Variants in FMN2 observed in about 807,000 individuals in gnomAD.
FMN2 encodes the protein formin 2.
A neutral mutation model predicts 142.3 loss-of-function variants in FMN2; 51 were observed. The ratio of observed to expected loss-of-function variants is 0.36; its 90% CI spans 0.29 to 0.45. The LOEUF is 0.45. Ranked by LOEUF, FMN2 falls within the 20% of genes least tolerant of loss-of-function variation. The probability of loss-of-function intolerance (pLI) is 1.00; values close to 1 mark genes in which losing one functional copy is unlikely to be tolerated. For synonymous variants in FMN2, 882 were observed against 869.8 expected (o/e 1.01, Z -0.25); for missense variants, 1,936 against 2,122.8 (o/e 0.91, Z 1.73).
chr1:240,174,782 T>G lies in FMN2; in HGVS notation c.1783-3139T>G, dbSNP rs147228000. 7.0e-3 allele frequency among the ~76,000 whole-genome samples: 1,071 copies of G among 152,330 alleles called. 8 individuals are homozygous for G. Among genetic ancestry groups the G allele is most frequent in the African/African-American group, 0.025 (1,020 of 41,564 alleles). ...TGCATCTTAGCTATCCCCAACAGCC[T>G]TGCATTTACTGTTTTTAAAAAAATT... is the stretch of plus-strand genomic sequence containing the variant. On this transcript the variant is annotated intron_variant, in intron 2 of 17. Coordinates refer to ENST00000319653, the MANE Select transcript of FMN2 (RefSeq NM_020066.5).
intron 6 of FMN2, among the ~76,000 whole-genome samples, chr1:240,229,703 G>GTTTAAAAGCAAA (rs1399186927): frequency 2.7e-5 from 2 of 74,452 alleles, no homozygotes; most frequent in Non-Finnish European, 2.6e-5. Flanking sequence ...TGGAGTGCCA[G>GTTTAAAAGCAAA]TGGCATGATC....
intron 15 of FMN2, among the ~76,000 whole-genome samples, chr1:240,402,280 A>T (rs1394147965): frequency 1.3e-5 from 2 of 152,222 alleles, no homozygotes; most frequent in Non-Finnish European, 2.9e-5. Context: ...ATCATTTTTC[A>T]TATTCCATTT....
intron 15 of FMN2, among the ~76,000 whole-genome samples, chr1:240,437,674 G>A (rs1675445618): frequency 1.3e-5 from 2 of 152,064 alleles, no homozygotes; most frequent in South Asian, 4.1e-4. Context: ...TATAGATATG[G>A]ACTACATACT....
chr1:240,264,503 C>T (rs1252826882), intron 7 of FMN2, among the ~76,000 whole-genome samples: 2 of 152,062 alleles, frequency 1.3e-5, no homozygotes, highest in African/African-American at 4.8e-5. Flanking sequence ...TCTACATTAG[C>T]TGTTTCTCCT....
intron 2 of FMN2, chr1:240,142,684 G>A: frequency 6.2e-7 from 1 of 1,610,648 alleles, no homozygotes; most frequent in African/African-American, 1.3e-5. Flanking sequence ...TCATAATTGG[G>A]GTTCTTCCGA....
intron 7 of FMN2, among the ~76,000 whole-genome samples, chr1:240,283,000 C>T (rs567626397): frequency 1.3e-5 from 2 of 152,280 alleles, no homozygotes; most frequent in East Asian, 3.9e-4. Flanking sequence ...CCTTAGAAAA[C>T]AATGCTGGGT....
intron 6 of FMN2, among the ~76,000 whole-genome samples, chr1:240,239,388 G>T (rs904880937): frequency 2.6e-5 from 4 of 152,174 alleles, no homozygotes; most frequent in African/African-American, 9.6e-5. Flanking sequence ...AGACTATTTG[G>T]TCTGTAAAGG....
chr1:240,394,065 G>A (rs2103100261), intron 15 of FMN2, among the ~76,000 whole-genome samples: 1 of 152,274 alleles, frequency 6.6e-6, no homozygotes, highest in Middle Eastern at 3.4e-3. Flanking sequence ...AGGAATTAGG[G>A]AGGGGTAAGG....
intron 7 of FMN2, among the ~76,000 whole-genome samples, chr1:240,287,433 G>C (rs142827657): frequency 1.3e-3 from 203 of 152,312 alleles, no homozygotes; most frequent in African/African-American, 4.8e-3. Context: ...CCAGTGAAAA[G>C]AGGGCATGAA....
At chr1:240,437,949 C>T (rs1392278286) in intron 15 of FMN2, 112 bp from the exon 16 acceptor site, 89 of 1,347,742 alleles carry the variant, frequency 6.6e-5, no homozygotes, top group Non-Finnish European at 8.9e-5. Flanking sequence ...CTTGAGTCCT[C>T]TTGGTAATAA....
chr1:240,463,504 C>T (rs1038514648), intron 16 of FMN2, among the ~76,000 whole-genome samples: 2 of 152,044 alleles, frequency 1.3e-5, no homozygotes, highest in Non-Finnish European at 2.9e-5. Context: ...AAAGTCTTCA[C>T]CGCAGAAGTG....
intron 6 of FMN2, among the ~76,000 whole-genome samples, chr1:240,226,885 G>A (rs535362966): frequency 2.6e-5 from 4 of 151,946 alleles, no homozygotes; most frequent in Non-Finnish European, 4.4e-5. Flanking sequence ...CAGCCTGATA[G>A]CATCTGTGAA....
At chr1:240,345,725 C>T (rs1671888250) in intron 13 of FMN2, among the ~76,000 whole-genome samples, 1 of 152,038 alleles carries the variant, frequency 6.6e-6, no homozygotes, top group Non-Finnish European at 1.5e-5. Context: ...TCAAGTGATC[C>T]ACCTGCCTCG....
At chr1:240,353,349 A>G (rs1672160483) in intron 13 of FMN2, among the ~76,000 whole-genome samples, 1 of 152,216 alleles carries the variant, frequency 6.6e-6, no homozygotes, top group Admixed American at 6.5e-5. Flanking sequence ...CTAAGATCCA[A>G]AAATGTTAGG....
chr1:240,247,356 G>GC (rs1179957175), intron 6 of FMN2, among the ~76,000 whole-genome samples: 6 of 152,042 alleles, frequency 3.9e-5, no homozygotes, highest in Admixed American at 2.6e-4. Context: ...TACAAAATTG[G>GC]CTGGGCATGG....
At chr1:240,376,581 A>G (rs1209808644) in intron 14 of FMN2, among the ~76,000 whole-genome samples, 1 of 152,180 alleles carries the variant, frequency 6.6e-6, no homozygotes, top group African/African-American at 2.4e-5. Context: ...TCTCCAAACA[A>G]TACAGCATAA....
chr1:240,139,410 C>G (rs562508722), intron 2 of FMN2, among the ~76,000 whole-genome samples: 6 of 152,092 alleles, frequency 3.9e-5, no homozygotes, highest in African/African-American at 1.2e-4. Context: ...GAGAGAGAGC[C>G]TAGGAGAAGA....
intron 8 of FMN2, among the ~76,000 whole-genome samples, chr1:240,322,375 T>C (rs1250245842): frequency 6.6e-6 from 1 of 152,162 alleles, no homozygotes; most frequent in African/African-American, 2.4e-5. Flanking sequence ...GAGATTTTTA[T>C]GATTCTATGA....
At chr1:240,231,991 G>GAATACTCT (rs1667540280) in intron 6 of FMN2, among the ~76,000 whole-genome samples, 5 of 152,134 alleles carry the variant, frequency 3.3e-5, no homozygotes, top group Admixed American at 2.6e-4. Context: ...TCAGATAAGA[G>GAATACTCT]TATTACTTAT....
Sources: gnomAD v4.1 joint callset for allele counts (sites outside exome capture counted in the v4.1 genomes callset) on GRCh38, gnomAD v4.1.1 for gene constraint, MANE v1.5 for transcripts, NCBI Gene and HGNC (gene_info 2026-07-23, HGNC 2026-07-21) for gene names.